AVEN: variants seen among roughly 807,000 people sequenced by gnomAD.
The protein encoded by AVEN is cell death regulator Aven.
Under a neutral mutation model 38.1 loss-of-function variants are expected in AVEN, and 41 were observed. The observed-to-expected ratio is 1.08, with a 90% confidence interval of 0.84 to 1.40. The LOEUF is 1.40. AVEN is among the 40% of genes most tolerant of loss of function. The probability of loss-of-function intolerance (pLI) is 0.00; values close to 1 mark genes in which losing one functional copy is unlikely to be tolerated. For synonymous variants in AVEN, 206 were observed against 171.8 expected (o/e 1.20, Z -1.56); for missense variants, 605 against 438.8 (o/e 1.38, Z -3.38).
rs369325650 is a variant in AVEN at position 34,060,361 on chromosome 15, A to G, written n.1637+2561T>C. Among the ~76,000 whole-genome samples, 5 of 152,308 alleles carry G rather than the reference A, an allele frequency of 3.3e-5. No individual in the cohort carries two copies. In the East Asian group the frequency reaches 7.7e-4, roughly 24 times the overall value. On this transcript the variant is annotated intron_variant and non_coding_transcript_variant, in intron 5 of 11. Coordinates refer to the AVEN transcript ENST00000675287. ...GGGAGAATCTGGTTTCCGGTGCAAG[A>G]CAATATCATCAACTCGATTCCATAT...
At chr15:34,036,066 G>T (rs1457719447) in intron 1 of AVEN, among the ~76,000 whole-genome samples, 1 of 151,814 alleles carries the variant, frequency 6.6e-6, no homozygotes, top group Non-Finnish European at 1.5e-5. Context: ...AAAGTGCTGG[G>T]ATTACAAGCG....
At chr15:33,857,873 G>C (rs1171047288), downstream of AVEN, 1 of 1,614,074 alleles carries the variant, frequency 6.2e-7, no homozygotes, top group Non-Finnish European at 8.5e-7. Context: ...CAAAAGCGAA[G>C]ACGATGACGA....
At chr15:33,950,535 G>A (rs1894700152) in intron 2 of AVEN, among the ~76,000 whole-genome samples, 1 of 152,182 alleles carries the variant, frequency 6.6e-6, no homozygotes, top group Non-Finnish European at 1.5e-5. Flanking sequence ...AAACCCACAA[G>A]GGTGAACTTG....
rs551169377 is a variant in AVEN at position 33,981,458 on chromosome 15, T to C, written c.445+21574A>G. Among the ~76,000 whole-genome samples, 4 of 152,176 alleles carry C rather than the reference T, an allele frequency of 2.6e-5. No homozygotes were observed. In the East Asian group the frequency reaches 5.8e-4, roughly 22 times the overall value. ...CTAAACATAACCAAGTTTTTTTAAG[T>C]AGCCAAAAGCTTTCTTCTTTTAACA... On this transcript the variant is annotated intron_variant, in intron 2 of 5. Transcript: ENST00000306730.
intron 2 of AVEN, among the ~76,000 whole-genome samples, chr15:33,880,112 C>CAAA (rs564749130): frequency 5.9e-5 from 9 of 151,966 alleles, no homozygotes; most frequent in African/African-American, 2.2e-4. Context: ...AACAAACAAA[C>CAAA]AAACAAAAAA....
At chr15:33,885,298 G>C (rs1891658952) in intron 2 of AVEN, among the ~76,000 whole-genome samples, 1 of 152,060 alleles carries the variant, frequency 6.6e-6, no homozygotes, top group Non-Finnish European at 1.5e-5. Context: ...GACATATTTG[G>C]AGGGTCAAGG....
downstream of AVEN, chr15:33,857,968 C>T: frequency 1.2e-6 from 2 of 1,604,200 alleles, no homozygotes; most frequent in South Asian, 1.1e-5. Context: ...CCACCCCGCC[C>T]CACCACCTCA....
chr15:34,068,513 T>C (rs189790697), intron 2 of AVEN, among the ~76,000 whole-genome samples: 2 of 152,110 alleles, frequency 1.3e-5, no homozygotes, highest in Admixed American at 6.5e-5. Flanking sequence ...GACCTTAGAG[T>C]GTGTATTTCT....
intron 2 of AVEN, among the ~76,000 whole-genome samples, chr15:33,980,703 T>C (rs1896099226): frequency 6.6e-6 from 1 of 152,160 alleles, no homozygotes; most frequent in Non-Finnish European, 1.5e-5. Context: ...TTGGCCCATT[T>C]ATCATTATCT....
chr15:34,063,110 C>G lies in AVEN; in HGVS notation n.1449G>C. The G allele has an allele frequency of 6.2e-7, 1 of 1,614,130 alleles. No individual in the cohort carries two copies. Among genetic ancestry groups the G allele is most frequent in the South Asian group, 1.1e-5 (1 of 91,074 alleles). ...TGATCAGTTTTGACCGTTACTTTTC[C>G]ATCACAAGACCCTTGACATATCGGG... On this transcript the variant is annotated non_coding_transcript_exon_variant, in exon 5 of 12. Transcript: ENST00000675287. The surrounding 1 kb of genome is among the most constrained non-coding windows in gnomAD (Gnocchi z 4.1).
intron 2 of AVEN, among the ~76,000 whole-genome samples, chr15:33,897,708 T>C (rs1454347967): frequency 6.6e-6 from 1 of 151,798 alleles, no homozygotes; most frequent in Non-Finnish European, 1.5e-5. Flanking sequence ...GACGACCTTA[T>C]CTCTACTAAA....
intron 11 of AVEN, among the ~76,000 whole-genome samples, chr15:33,860,091 C>T (rs1399059087): frequency 1.3e-5 from 2 of 152,042 alleles, no homozygotes; most frequent in Non-Finnish European, 2.9e-5. Flanking sequence ...CTGGACAGTG[C>T]AGGGGAGGGG....
chr15:33,896,392 C>G (rs1406051476), intron 2 of AVEN, among the ~76,000 whole-genome samples: 2 of 152,202 alleles, frequency 1.3e-5, no homozygotes, highest in Admixed American at 6.5e-5. Flanking sequence ...GGCGTCAGTT[C>G]TCTCCCTTAC....
At chr15:34,008,369 G>C (rs984484783) in intron 1 of AVEN, among the ~76,000 whole-genome samples, 1 of 151,448 alleles carries the variant, frequency 6.6e-6, no homozygotes, top group Non-Finnish European at 1.5e-5. Context: ...GCAGTGAGCT[G>C]TGATTGTGCC....
At chr15:33,869,439 G>C (rs1286071701) in intron 4 of AVEN, among the ~76,000 whole-genome samples, 1 of 152,038 alleles carries the variant, frequency 6.6e-6, no homozygotes, top group African/African-American at 2.4e-5. Context: ...CTTTATCTCA[G>C]CATTTCCCTG....
At chr15:34,044,096 GA>G (rs769916088), upstream of AVEN, among the ~76,000 whole-genome samples, 2,761 of 129,034 alleles carry the variant, frequency 0.021, 74 homozygotes, top group African/African-American at 0.07. Flanking sequence ...TAAAAAAAAT[GA>G]AAAAAAAAAA....
intron 2 of AVEN, among the ~76,000 whole-genome samples, chr15:33,927,903 G>T (rs1451876963): frequency 6.6e-6 from 1 of 152,132 alleles, no homozygotes; most frequent in Non-Finnish European, 1.5e-5. Flanking sequence ...CTTGGTATAG[G>T]AATAGCTTTC....
chr15:34,062,750 C>A lies in AVEN; in HGVS notation n.1637+172G>T, dbSNP rs75917306. The A allele has an allele frequency of 3.1e-6, 5 of 1,613,178 alleles. No homozygotes were observed. The South Asian group carries it at 5.5e-5, about 18-fold the overall frequency. On this transcript the variant is annotated intron_variant and non_coding_transcript_variant, in intron 5 of 11. Transcript: ENST00000675287. ...GGGATTCTTACCACAATGCAACCAC[C>A]GTCAATGGCACCCCAGTAAATCACC...
rs1434938471 is a variant in AVEN at position 33,870,952 on chromosome 15, C to G, written c.595G>C (p.Ala199Pro). 1 of 1,611,290 alleles carries G rather than the reference C, an allele frequency of 6.2e-7. No homozygotes were observed. Among genetic ancestry groups the G allele is most frequent in the South Asian group, 1.1e-5 (1 of 90,666 alleles). ...ATTTTTACCTGGACCAGTTCGGCAG[C>G]AACGTTGAGTCGGAGGCAGAGAGGC... is the stretch of plus-strand genomic sequence containing the variant. ...ELPLCLRLNV[A>P]AELVQGTVPL... The change falls in exon 4 of 6, where the codon GCT (alanine) becomes CCT (proline). Residue 199 changes from alanine (A) to proline (P), a missense_variant. Physicochemically the swap from Ala to Pro is conservative, Grantham distance 27. Transcript: ENST00000306730.
Sources: gnomAD v4.1 joint callset for allele counts (sites outside exome capture counted in the v4.1 genomes callset) on GRCh38, gnomAD v4.1.1 for gene constraint, Gnocchi (gnomAD v3.1) non-coding constraint, MANE v1.5 for transcripts, NCBI Gene and HGNC (gene_info 2026-07-23, HGNC 2026-07-21) for gene names.